The following RIMBP2 variants were observed in gnomAD, a reference collection of about 807,000 sequenced individuals.
RIMBP2 encodes RIMS-binding protein 2.
Under a neutral mutation model 118.6 loss-of-function variants are expected in RIMBP2, and 48 were observed. The observed-to-expected ratio is 0.40, with a 90% CI of 0.32 to 0.51. RIMBP2 has a LOEUF of 0.51. RIMBP2 is among the 20% of genes least tolerant of loss of function. The pLI is 0.41. For synonymous variants in RIMBP2, 762 were observed against 742.9 expected (o/e 1.03, Z -0.42); for missense variants, 1,551 against 1,768.3 (o/e 0.88, Z 2.20).
chr12:130,532,218 CGTCTAATGAGATGCGTGT>C lies in RIMBP2; in HGVS notation c.-216-14319_-216-14302del, dbSNP rs1179007280. On this transcript the variant is annotated intron_variant, in intron 2 of 22. Transcript: ENST00000690449. ...GCGTGTGTGTAGCCTCTAGGAGTTA[CGTCTAATGAGATGCGTGT>C]GTTTAGCCTCTAGGAGGTACGTCTA... is the stretch of plus-strand genomic sequence containing the variant. Among the ~76,000 whole-genome samples, 64 of 136,202 alleles carry C rather than the reference CGTCTAATGAGATGCGTGT, an allele frequency of 4.7e-4. 3 individuals carry two copies. Among genetic ancestry groups the C allele is most frequent in the Non-Finnish European group, 4.0e-4 (25 of 62,254 alleles). 89.4% of individuals were successfully genotyped at this position (136,202 alleles called of 152,430 possible).
intron 1 of RIMBP2, among the ~76,000 whole-genome samples, chr12:130,667,076 GAAAAAATGA>G (rs2063967154): frequency 7.5e-5 from 5 of 67,110 alleles, no homozygotes; most frequent in African/African-American, 2.2e-4. Context: ...AGGGAGGGAG[GAAAAAATGA>G]GGGAGGGAGG....
rs559103568 is a variant in RIMBP2 at position 130,450,206 on chromosome 12, C to T, written c.575G>A (p.Arg192His). Reference protein sequence around the residue: ...YSGKVHLCVARYSYNPFDGPN... With the variant: ...YSGKVHLCVAHYSYNPFDGPN... ...GCCGAGGGGCCGCACTTACCTATAG[C>T]GGGCAACACAGAGGTGGACCTTCCC... Residue 192 changes from arginine to histidine, a missense_variant, in exon 9 of 23, where the codon CGC becomes CAC. This residue lies in a region of RIMBP2 where 239 missense variants were observed against 256.8 expected (regional missense o/e 0.93). Coordinates refer to ENST00000690449, the MANE Select transcript of RIMBP2 (RefSeq NM_001393629.1). The surrounding 1 kb of genome is among the most constrained non-coding windows in gnomAD (Gnocchi z 4.8). 3.1e-6 allele frequency: 5 copies of T among 1,605,004 alleles called. No individual in the cohort carries two copies. The highest frequency in any genetic ancestry group is 1.3e-5 in the African/African-American group (1 of 74,776).
rs750246962 is a variant in RIMBP2, at chr12:130,620,247, G to A, written c.-217+8075C>T. ...TCAGTCCCCTGAATTTAAATCTTGA[G>A]CAGAGGGACCCAAGGACAAAAAAAA... On this transcript the variant is annotated intron_variant, in intron 2 of 22. Coordinates refer to ENST00000690449, the MANE Select transcript of RIMBP2 (RefSeq NM_001393629.1). The surrounding 1 kb of genome is among the most constrained non-coding windows in gnomAD (Gnocchi z 5.3). 4.6e-5 allele frequency among the ~76,000 whole-genome samples: 7 copies of A among 152,118 alleles called. No individual in the cohort carries two copies. Among genetic ancestry groups the A allele is most frequent in the Non-Finnish European group, 1.0e-4 (7 of 68,026 alleles).
intron 2 of RIMBP2, among the ~76,000 whole-genome samples, chr12:130,580,356 G>A (rs1001562892): frequency 4.6e-5 from 7 of 152,162 alleles, no homozygotes; most frequent in Admixed American, 3.9e-4. Context: ...TCATGGTGGT[G>A]AATAAGTCTC....
chr12:130,407,843 A>G lies in RIMBP2; in HGVS notation c.3590-14T>C. 6.2e-7 allele frequency: 1 copy of G among 1,606,942 alleles called. No homozygotes were observed. Among genetic ancestry groups the G allele is most frequent in the Non-Finnish European group, 8.5e-7 (1 of 1,173,584 alleles). On this transcript the variant is annotated splice_polypyrimidine_tract_variant and intron_variant, in intron 19 of 22. Transcript: ENST00000690449. The stretch of plus-strand genomic sequence containing the variant: ...TCCTGCTTCTCTCTGTTCAGATCAC[A>G]AGGGGGAAAGAAATCCATCATGAGG...
In RIMBP2 at chr12:130,534,179, AAAAG is replaced by A. The variant is rs1195866390; in HGVS notation, c.-216-16266_-216-16263del. ...AAACTCCATCTTAAAAAAAAAAAAAAAAAGAGAGAGAGAGTAGAATGATAGACAC... is the reference window on the plus strand; with the variant it reads ...AAACTCCATCTTAAAAAAAAAAAAAAAGAGAGAGAGTAGAATGATAGACAC... On this transcript the variant is annotated intron_variant, in intron 2 of 22. Coordinates refer to ENST00000690449, the MANE Select transcript of RIMBP2 (RefSeq NM_001393629.1). 9.9e-3 allele frequency among the ~76,000 whole-genome samples: 1,186 copies of A among 119,728 alleles called. 22 individuals are homozygous for A. The highest frequency in any genetic ancestry group is 0.033 in the African/African-American group (962 of 28,860). The allele number at this position is 119,728 out of a possible 152,430, so 78.5% of individuals were successfully genotyped here. A position where few individuals can be genotyped will look rare whatever the true frequency, so the allele number is the denominator to read the frequency against.
chr12:130,477,354 A>G (rs936065517), intron 5 of RIMBP2, among the ~76,000 whole-genome samples: 1 of 152,028 alleles, frequency 6.6e-6, no homozygotes, highest in African/African-American at 2.4e-5. Flanking sequence ...CTACAGACTT[A>G]TATCTGTCTC....
At chr12:130,709,453 G>A (rs555146721) in intron 1 of RIMBP2, among the ~76,000 whole-genome samples, 3 of 152,370 alleles carry the variant, frequency 2.0e-5, no homozygotes, top group East Asian at 1.9e-4. Flanking sequence ...CGCAGCCTGC[G>A]GGGCAGCTCC....
chr12:130,555,808 C>T (rs1018951413), intron 2 of RIMBP2, among the ~76,000 whole-genome samples: 2 of 152,168 alleles, frequency 1.3e-5, no homozygotes, highest in Non-Finnish European at 2.9e-5. Flanking sequence ...GGAGATTGTC[C>T]GAGACCTTGA....
intron 12 of RIMBP2, 31 bp downstream of exon 12, chr12:130,438,334 A>ATCCGGGGGGGGCCCCCCCCCCCC: frequency 7.4e-7 from 1 of 1,344,518 alleles, no homozygotes; most frequent in Non-Finnish European, 1.1e-6. Flanking sequence ...GGGCCTAACA[A>ATCCGGGGGGGGCCCCCCCCCCCC]ACCCTCCCCA....
intron 2 of RIMBP2, among the ~76,000 whole-genome samples, 182 bp downstream of exon 2, chr12:130,628,140 C>A (rs2061761530): frequency 6.6e-6 from 1 of 152,172 alleles, no homozygotes; most frequent in African/African-American, 2.4e-5. Flanking sequence ...CATGATGTTC[C>A]TCTCTCTGTG....
chr12:130,530,218 G>C (rs776015325), intron 2 of RIMBP2, among the ~76,000 whole-genome samples: 1 of 152,048 alleles, frequency 6.6e-6, no homozygotes, highest in Non-Finnish European at 1.5e-5. Context: ...GGAAAACTTC[G>C]CCAGGGGAAC....
chr12:130,507,124 A>G (rs2050438743), intron 3 of RIMBP2, among the ~76,000 whole-genome samples: 2 of 152,142 alleles, frequency 1.3e-5, no homozygotes, highest in African/African-American at 4.8e-5. Context: ...GGGGAATGAG[A>G]TCTTGCACTT....
intron 2 of RIMBP2, among the ~76,000 whole-genome samples, chr12:130,539,425 T>C (rs60426478): frequency 0.1 from 15,407 of 152,176 alleles, 852 homozygotes; most frequent in South Asian, 0.17. Flanking sequence ...GAAGTAAGAG[T>C]GTGAGTGCTG....
intron 4 of RIMBP2, among the ~76,000 whole-genome samples, chr12:130,498,820 C>G (rs573374544): frequency 2.0e-5 from 3 of 152,248 alleles, no homozygotes; most frequent in African/African-American, 7.2e-5. Flanking sequence ...GCGTAACTAC[C>G]CAAGTGGAGG....
chr12:130,512,322 T>C (rs952895643), intron 3 of RIMBP2, among the ~76,000 whole-genome samples: 1 of 145,692 alleles, frequency 6.9e-6, no homozygotes, highest in African/African-American at 2.6e-5. Context: ...TCAAAGTCCA[T>C]TGCTTTCTTT....
At chr12:130,560,356 C>T (rs1337503335) in intron 2 of RIMBP2, among the ~76,000 whole-genome samples, 4 of 152,180 alleles carry the variant, frequency 2.6e-5, no homozygotes, top group Non-Finnish European at 4.4e-5. Context: ...AACCTCAGCC[C>T]GGTGGTCATC....
rs752922218 is a variant in RIMBP2, at chr12:130,442,342, G to A, written c.1010C>T (p.Pro337Leu). 3.7e-6 allele frequency: 6 copies of A among 1,614,148 alleles called. No individual in the cohort carries two copies. The highest frequency in any genetic ancestry group is 1.7e-5 in the Admixed American group (1 of 60,032). Residue 337 changes from proline (P) to leucine (L), a missense_variant, in exon 11 of 23, where the codon CCG becomes CTG. By Grantham distance (98) the Pro-to-Leu change is moderately conservative. Coordinates refer to ENST00000690449, the MANE Select transcript of RIMBP2 (RefSeq NM_001393629.1). This position sits in a 1 kb window ranked among gnomAD's most constrained non-coding sequence, Gnocchi z 6.9. Reference protein sequence around the residue: ...AKSVIVGWEPPAVPPGWGTVS... With the variant: ...AKSVIVGWEPLAVPPGWGTVS... ...CGTTCCCCATCCTGGTGGCACCGCC[G>A]GGGGCTCCCAGCCCACAATAACACT...
At chr12:130,439,645 GT>G (rs1160718378) in intron 11 of RIMBP2, among the ~76,000 whole-genome samples, 3 of 56,958 alleles carry the variant, frequency 5.3e-5, no homozygotes, top group Non-Finnish European at 1.1e-4. Flanking sequence ...GTGGGTGTGT[GT>G]GGGGGGGATG....
Sources: gnomAD v4.1 joint callset for allele counts (sites outside exome capture counted in the v4.1 genomes callset) on GRCh38, gnomAD v4.1.1 for gene constraint, gnomAD v4.1.1 regional missense constraint, Gnocchi (gnomAD v3.1) non-coding constraint, MANE v1.5 for transcripts, NCBI Gene and HGNC (gene_info 2026-07-23, HGNC 2026-07-21) for gene names.